The following FILIP1L variants were observed in gnomAD, a reference collection of about 807,000 sequenced individuals.
The protein encoded by FILIP1L is filamin A-interacting protein 1-like.
FILIP1L carries 55 observed loss-of-function variants against 96.6 expected under a neutral mutation model. The ratio of observed to expected loss-of-function variants is 0.57; its 90% CI spans 0.46 to 0.71. The LOEUF is 0.71. Ranked by LOEUF, FILIP1L falls within the 30% of genes least tolerant of loss-of-function variation. The pLI is 0.00. For missense variants in FILIP1L, 1,304 were observed against 1,321.2 expected (o/e 0.99, Z 0.20); for synonymous variants, 467 against 473.9 (o/e 0.99, Z 0.19).
At chr3:99,863,161 A>G (rs1944344555) in intron 4 of FILIP1L, among the ~76,000 whole-genome samples, 1 of 152,160 alleles carries the variant, frequency 6.6e-6, no homozygotes, top group East Asian at 1.9e-4. Flanking sequence ...AAACTGTCCC[A>G]CTCGGATCAT....
intron 1 of FILIP1L, among the ~76,000 whole-genome samples, chr3:99,937,605 A>T (rs1419069989): frequency 6.6e-6 from 1 of 152,188 alleles, no homozygotes; most frequent in African/African-American, 2.4e-5. Context: ...TGGGTTTATT[A>T]TTCATATTTG....
At chr3:99,917,875 G>A (rs1455385873) in intron 4 of FILIP1L, among the ~76,000 whole-genome samples, 1 of 152,158 alleles carries the variant, frequency 6.6e-6, no homozygotes, top group East Asian at 1.9e-4. Flanking sequence ...GAGGTAAAAG[G>A]TACTTGTTCA....
At chr3:99,933,077 G>A (rs1707537861) in intron 1 of FILIP1L, among the ~76,000 whole-genome samples, 1 of 152,146 alleles carries the variant, frequency 6.6e-6, no homozygotes, top group South Asian at 2.1e-4. Flanking sequence ...GGAAGCACGG[G>A]AAACTTATTG....
chr3:100,010,612 C>CT (rs71625546), intron 1 of FILIP1L, among the ~76,000 whole-genome samples: 27,034 of 141,380 alleles, frequency 0.19, 2,807 homozygotes, highest in South Asian at 0.27. Context: ...GTTTTTCTTT[C>CT]TTTTTTTTTT....
chr3:99,867,534 A>G (rs1576530353), intron 4 of FILIP1L, among the ~76,000 whole-genome samples: 1 of 152,330 alleles, frequency 6.6e-6, no homozygotes, highest in East Asian at 1.9e-4. Flanking sequence ...GAAAAGCCAC[A>G]TATCTGATGG....
intron 4 of FILIP1L, among the ~76,000 whole-genome samples, chr3:99,889,395 C>G (rs1415457504): frequency 6.6e-6 from 1 of 151,978 alleles, no homozygotes; most frequent in Admixed American, 6.6e-5. Context: ...GCTATATAAT[C>G]TTTCTTTTAA....
intron 1 of FILIP1L, among the ~76,000 whole-genome samples, chr3:100,107,039 A>C (rs2066407831): frequency 6.6e-6 from 1 of 152,160 alleles, no homozygotes; most frequent in Non-Finnish European, 1.5e-5. Context: ...ATTTTGTTAC[A>C]CAGCCAAGAG....
chr3:99,983,460 GTGTGTATA>G (rs1709215340), intron 1 of FILIP1L, among the ~76,000 whole-genome samples: 6 of 69,470 alleles, frequency 8.6e-5, no homozygotes, highest in African/African-American at 4.1e-4. Context: ...ATATATATAT[GTGTGTATA>G]TATATATATA....
At chr3:100,031,141 T>C (rs2065015748) in intron 1 of FILIP1L, among the ~76,000 whole-genome samples, 1 of 152,276 alleles carries the variant, frequency 6.6e-6, no homozygotes, top group East Asian at 1.9e-4. Flanking sequence ...GACATCAGCA[T>C]TTTTAGACTA....
intron 5 of FILIP1L, among the ~76,000 whole-genome samples, chr3:99,840,359 G>A (rs1943081568): frequency 6.6e-6 from 1 of 151,810 alleles, no homozygotes; most frequent in Non-Finnish European, 1.5e-5. Context: ...AAGTAGCTGG[G>A]ATTACAGGTG....
At chr3:99,883,247 C>T (rs1250657913) in intron 4 of FILIP1L, among the ~76,000 whole-genome samples, 1 of 152,172 alleles carries the variant, frequency 6.6e-6, no homozygotes, top group African/African-American at 2.4e-5. Flanking sequence ...CATTCCATTC[C>T]AAACTGAGAA....
At chr3:99,892,665 G>A (rs1027954877) in intron 4 of FILIP1L, among the ~76,000 whole-genome samples, 1 of 152,054 alleles carries the variant, frequency 6.6e-6, no homozygotes, top group Non-Finnish European at 1.5e-5. Flanking sequence ...CATCTCTTCT[G>A]GTGTCTCTTT....
intron 1 of FILIP1L, among the ~76,000 whole-genome samples, chr3:100,077,295 T>C (rs1005620002): frequency 1.3e-5 from 2 of 152,254 alleles, no homozygotes; most frequent in African/African-American, 4.8e-5. Flanking sequence ...CATGGTGTTC[T>C]TAAGAAGTAG....
chr3:100,011,240 T>C (rs1384482639), intron 1 of FILIP1L, among the ~76,000 whole-genome samples: 3 of 152,124 alleles, frequency 2.0e-5, no homozygotes, highest in African/African-American at 7.2e-5. Context: ...GTTATGAACT[T>C]AGGAATTCTT....
chr3:100,020,179 C>T (rs1462692692), intron 1 of FILIP1L, among the ~76,000 whole-genome samples: 1 of 152,036 alleles, frequency 6.6e-6, no homozygotes, highest in Non-Finnish European at 1.5e-5. Flanking sequence ...TTTTAAAAGC[C>T]TTGTATCTTC....
chr3:99,865,786 G>T (rs13320057), intron 4 of FILIP1L, among the ~76,000 whole-genome samples: 18,402 of 151,576 alleles, frequency 0.12, 1,498 homozygotes, highest in Non-Finnish European at 0.18. Context: ...AGAAATATGT[G>T]TGTATGTATT....
At chr3:99,889,698 A>G (rs1050280487) in intron 4 of FILIP1L, among the ~76,000 whole-genome samples, 24 of 151,852 alleles carry the variant, frequency 1.6e-4, no homozygotes, top group African/African-American at 5.1e-4. Flanking sequence ...TCTACCTTGT[A>G]ATACATACTG....
At chr3:99,871,678 C>T (rs549039347) in intron 4 of FILIP1L, among the ~76,000 whole-genome samples, 2 of 152,126 alleles carry the variant, frequency 1.3e-5, no homozygotes, top group East Asian at 1.9e-4. Flanking sequence ...TAGCTGCGGA[C>T]GTCTGAGGAG....
rs558704957 is a variant in FILIP1L at position 99,850,437 on chromosome 3, A to G, written c.1239T>C (p.Phe413=). The change falls in exon 5 of 6, where the codon TTT becomes TTC. Residue 413 remains phenylalanine (F), a synonymous_variant. Transcript: ENST00000477258. ...LERETLQSKD[F]KLEVEKLSKR... is the part of the protein sequence containing the mutation. ...TACTGAGTTTTTCAACCTCTAGTTT[A>G]AAGTCTTTACTCTGTAACGTCTCCC... 3 of 1,614,024 alleles carry G rather than the reference A, an allele frequency of 1.9e-6. No individual in the cohort carries two copies. The highest frequency in any genetic ancestry group is 2.7e-5 in the African/African-American group (2 of 75,022).
Sources: allele counts gnomAD v4.1 joint callset (sites outside exome capture counted in the v4.1 genomes callset), GRCh38; gene constraint gnomAD v4.1.1; transcripts MANE v1.5; gene names NCBI Gene and HGNC (gene_info 2026-07-23, HGNC 2026-07-21).